Variants in HEATR5A observed in about 807,000 individuals in gnomAD.
HEATR5A encodes the protein HEAT repeat-containing protein 5A.
A neutral mutation model predicts 218.8 loss-of-function variants in HEATR5A; 178 were observed. That is an observed-to-expected ratio of 0.81 (90% CI 0.72 to 0.92). HEATR5A has a LOEUF of 0.92. Among genes scored for constraint, HEATR5A ranks in the 40% least tolerant of loss-of-function variants. The probability of loss-of-function intolerance (pLI) is 0.00; values close to 1 mark genes in which losing one functional copy is unlikely to be tolerated. For missense variants in HEATR5A, 2,420 were observed against 2,418.9 expected (o/e 1.00, Z -0.01); for synonymous variants, 864 against 871.6 (o/e 0.99, Z 0.15).
chr14:31,294,554 C>A (rs529662418), intron 34 of HEATR5A, among the ~76,000 whole-genome samples: 1 of 151,668 alleles, frequency 6.6e-6, no homozygotes, highest in African/African-American at 2.4e-5. Context: ...GGACTACAGG[C>A]GTGCACCTCC....
chr14:31,305,279 T>C, intron 31 of HEATR5A, 102 bp from the exon 32 acceptor site: 1 of 1,260,478 alleles, frequency 7.9e-7, no homozygotes, highest in Non-Finnish European at 1.1e-6. Context: ...TTTTATTTTT[T>C]TGAGACAGAG....
chr14:31,381,523 C>A (rs1211072560), intron 10 of HEATR5A, among the ~76,000 whole-genome samples: 3 of 124,328 alleles, frequency 2.4e-5, no homozygotes, highest in Admixed American at 1.0e-4. Flanking sequence ...CACTGCATTG[C>A]AGCCTGGGCA....
rs143549701 is a variant in HEATR5A at position 31,356,198 on chromosome 14, T to C, written c.2411+2439A>G. 5.5e-3 allele frequency among the ~76,000 whole-genome samples: 830 copies of C among 152,292 alleles called. 8 individuals carry two copies. The highest frequency in any genetic ancestry group is 0.019 in the African/African-American group (780 of 41,576). On this transcript the variant is annotated intron_variant, in intron 16 of 35. Transcript: ENST00000543095. ...ACTGGAGACTGTGGATAACTGCTTATAACCCACTTTCTGTATCTGGGATCT... is the reference window on the plus strand; with the variant it reads ...ACTGGAGACTGTGGATAACTGCTTACAACCCACTTTCTGTATCTGGGATCT...
At chr14:31,321,785 T>A in intron 24 of HEATR5A, 105 bp from the exon 25 acceptor site, 1 of 800,004 alleles carries the variant, frequency 1.2e-6, no homozygotes, top group Non-Finnish European at 2.0e-6. Flanking sequence ...CTCCTTTAAG[T>A]ACCTCTGACT....
intron 16 of HEATR5A, among the ~76,000 whole-genome samples, chr14:31,355,785 T>C (rs1198521305): frequency 6.6e-6 from 1 of 152,224 alleles, no homozygotes; most frequent in Non-Finnish European, 1.5e-5. Flanking sequence ...ATATCTTGAC[T>C]TTCCAACCGG....
intron 30 of HEATR5A, 137 bp downstream of exon 30, chr14:31,307,756 A>G: frequency 1.2e-6 from 1 of 865,904 alleles, no homozygotes; most frequent in Non-Finnish European, 1.8e-6. Flanking sequence ...TTCTGGTTCC[A>G]AGGCCTAGCT....
At chr14:31,359,841 C>G (rs987605924) in intron 14 of HEATR5A, among the ~76,000 whole-genome samples, 3 of 151,574 alleles carry the variant, frequency 2.0e-5, no homozygotes, top group African/African-American at 7.3e-5. Context: ...CTGCCCCTAT[C>G]CCTTCCAGCA....
intron 19 of HEATR5A, 50 bp from the exon 20 acceptor site, chr14:31,345,326 A>C: frequency 7.4e-7 from 1 of 1,349,434 alleles, no homozygotes; most frequent in Non-Finnish European, 1.0e-6. Context: ...GCATTAAGAA[A>C]CATAAAATAA....
At chr14:31,300,482 A>G (rs1422394423) in intron 33 of HEATR5A, among the ~76,000 whole-genome samples, 1 of 151,886 alleles carries the variant, frequency 6.6e-6, no homozygotes, top group East Asian at 1.9e-4. Context: ...CTAGTGGTGG[A>G]TACAGAGATG....
chr14:31,320,527 T>C, intron 25 of HEATR5A: 1 of 1,115,166 alleles, frequency 9.0e-7, no homozygotes, highest in Non-Finnish European at 1.3e-6. Flanking sequence ...GCTGTTTAGA[T>C]GAATTCTCTG....
At chr14:31,324,359 T>C (rs1900198489) in intron 23 of HEATR5A, among the ~76,000 whole-genome samples, 2 of 152,236 alleles carry the variant, frequency 1.3e-5, no homozygotes, top group Admixed American at 1.3e-4. Flanking sequence ...TCTCCTCTAC[T>C]TATTAACTGT....
At chr14:31,330,558 G>T (rs966401300) in intron 22 of HEATR5A, among the ~76,000 whole-genome samples, 4 of 152,054 alleles carry the variant, frequency 2.6e-5, no homozygotes, top group Admixed American at 2.0e-4. Context: ...GGAGGCCGAG[G>T]TGGGTGGATC....
chr14:31,412,666 G>C (rs77768006), intron 1 of HEATR5A, among the ~76,000 whole-genome samples: 6 of 151,632 alleles, frequency 4.0e-5, no homozygotes, highest in Non-Finnish European at 7.4e-5. Context: ...TGAAGCAGGC[G>C]GATCACCTGA....
intron 22 of HEATR5A, among the ~76,000 whole-genome samples, chr14:31,336,213 CATACAT>C (rs1258041243): frequency 0.012 from 1,093 of 90,680 alleles, 51 homozygotes; most frequent in East Asian, 0.025. Context: ...TATATACATA[CATACAT>C]ATATATATAT....
In HEATR5A at chr14:31,395,306, A is replaced by G. The variant is rs2030612636; in HGVS notation, c.490T>C (p.Leu164=). Residue 164 remains leucine, a synonymous_variant, in exon 5 of 36, where the codon TTG becomes CTG. Coordinates refer to ENST00000543095, the MANE Select transcript of HEATR5A (RefSeq NM_015473.4). ...GCAGCGGCAGCTCCTAGTCCATTCA[A>G]TATATTTTGCAGACTTAGCATAATC... ...YEIMLSLQNI[L]NGLGAAAAPC... is the part of the protein sequence containing the mutation. 2 of 1,531,522 alleles carry G rather than the reference A, an allele frequency of 1.3e-6. No homozygotes were observed. The highest frequency in any genetic ancestry group is 8.7e-7 in the Non-Finnish European group (1 of 1,143,208). The allele number at this position is 1,531,522 out of a possible 1,614,324, so 94.9% of individuals were successfully genotyped here.
intron 6 of HEATR5A, among the ~76,000 whole-genome samples, chr14:31,390,336 C>T (rs2030403873): frequency 6.6e-6 from 1 of 151,932 alleles, no homozygotes; most frequent in African/African-American, 2.4e-5. Context: ...CATGCTGCTG[C>T]TGTGTTGAGA....
At position 31,328,051 on chromosome 14, in the gene HEATR5A, C is replaced by T. The variant is rs907761748; in HGVS notation, c.3368-1709G>A. 7.9e-5 allele frequency among the ~76,000 whole-genome samples: 12 copies of T among 152,076 alleles called. No individual in the cohort carries two copies. The South Asian group carries it at 1.2e-3, about 16-fold the overall frequency. ...GCAATCTCTGCCTCCTGAGTTCAAG[C>T]GATTCTCCTGCCTCAGCCTCTCCAG... On this transcript the variant is annotated intron_variant, in intron 22 of 35. Coordinates refer to ENST00000543095, the MANE Select transcript of HEATR5A (RefSeq NM_015473.4).
At chr14:31,326,800 G>A (rs1011487568) in intron 22 of HEATR5A, among the ~76,000 whole-genome samples, 4 of 151,610 alleles carry the variant, frequency 2.6e-5, no homozygotes, top group East Asian at 1.9e-4. Context: ...CCGCCACCAC[G>A]CCCAGCTAAT....
intron 7 of HEATR5A, 142 bp from the exon 8 acceptor site, chr14:31,387,517 C>T: frequency 1.4e-6 from 1 of 706,576 alleles, no homozygotes; most frequent in South Asian, 2.1e-5. Context: ...TTGAAATATA[C>T]AAACATAGCA....
Sources: gnomAD v4.1 joint callset for allele counts (sites outside exome capture counted in the v4.1 genomes callset) on GRCh38, gnomAD v4.1.1 for gene constraint, MANE v1.5 for transcripts, NCBI Gene and HGNC (gene_info 2026-07-23, HGNC 2026-07-21) for gene names.